The following AUTS2 variants were observed in gnomAD, a reference collection of about 807,000 sequenced individuals.
AUTS2 encodes the protein autism susceptibility gene 2 protein.
A neutral mutation model predicts 112.4 loss-of-function variants in AUTS2; 17 were observed. The ratio of observed to expected loss-of-function variants is 0.15; its 90% confidence interval spans 0.10 to 0.23. The LOEUF (loss-of-function observed/expected upper bound fraction) is 0.23. Among genes scored for constraint, AUTS2 ranks in the 10% least tolerant of loss-of-function variants. AUTS2 has a pLI of 1.00. For synonymous variants in AUTS2, 751 were observed against 702.7 expected, an observed-to-expected ratio of 1.07 and a Z score of -1.09; for missense variants, 1,510 against 1,701.6, an observed-to-expected ratio of 0.89 and a Z score of 1.98.
chr7:70,776,878 T>C, intron 13 of AUTS2: 1 of 574,748 alleles, frequency 1.7e-6, no homozygotes, highest in Non-Finnish European at 3.1e-6. Flanking sequence ...TCAATGTGGT[T>C]TTCTGAGTAG....
chr7:70,392,943 A>T (rs922059522), intron 4 of AUTS2, among the ~76,000 whole-genome samples: 2 of 152,234 alleles, frequency 1.3e-5, no homozygotes, highest in African/African-American at 4.8e-5. Context: ...GAGGTTTTCT[A>T]CTGGGGCCAT....
At position 70,792,098 on chromosome 7, in the gene AUTS2, G is replaced by A. The variant is rs931530851; in HGVS notation, c.*1102G>A. ...TCAAGTTTTCTCAGATGATGGATAT[G>A]TTTTCACTGTATTCAATAACTGACG... is the stretch of plus-strand genomic sequence containing the variant. On this transcript the variant is annotated 3_prime_UTR_variant, in exon 19 of 19. Coordinates refer to ENST00000342771, the MANE Select transcript of AUTS2 (RefSeq NM_015570.4). 1 of 152,584 alleles carries A rather than the reference G, an allele frequency of 6.6e-6. No individual in the cohort carries two copies. Among genetic ancestry groups the A allele is most frequent in the Non-Finnish European group, 1.5e-5 (1 of 68,038 alleles). 9.5% of individuals were successfully genotyped at this position (152,584 alleles called of 1,614,324 possible).
intron 5 of AUTS2, among the ~76,000 whole-genome samples, chr7:70,452,630 G>C (rs951069289): frequency 3.9e-5 from 6 of 152,084 alleles, no homozygotes; most frequent in African/African-American, 1.4e-4. Flanking sequence ...CCAGGATCAG[G>C]CCTTTTAGGA....
chr7:70,262,962 T>G (rs1330004915), intron 4 of AUTS2, among the ~76,000 whole-genome samples: 1 of 152,208 alleles, frequency 6.6e-6, no homozygotes, highest in African/African-American at 2.4e-5. Flanking sequence ...TTTGGAAACT[T>G]CCAAATAAAT....
intron 4 of AUTS2, among the ~76,000 whole-genome samples, chr7:70,332,124 C>CA (rs1446090877): frequency 3.9e-5 from 6 of 152,176 alleles, no homozygotes. Flanking sequence ...TCCCAGGATA[C>CA]AAAATCAATG....
intron 4 of AUTS2, among the ~76,000 whole-genome samples, chr7:70,227,146 C>T (rs1448322592): frequency 6.6e-6 from 1 of 151,962 alleles, no homozygotes; most frequent in Non-Finnish European, 1.5e-5. Flanking sequence ...ACATTTAATA[C>T]AGTCTTATAT....
At chr7:69,625,528 A>C (rs902263677) in intron 1 of AUTS2, among the ~76,000 whole-genome samples, 7 of 152,020 alleles carry the variant, frequency 4.6e-5, no homozygotes, top group African/African-American at 7.2e-5. Flanking sequence ...AGTGTTGGTT[A>C]AAAGAACACC....
intron 5 of AUTS2, among the ~76,000 whole-genome samples, chr7:70,577,810 T>G (rs915029877): frequency 2.2e-4 from 3 of 13,562 alleles, no homozygotes; most frequent in Non-Finnish European, 5.0e-4. Context: ...TTTATTGGGT[T>G]TTTTTTTAAT....
intron 1 of AUTS2, among the ~76,000 whole-genome samples, chr7:69,837,426 C>T (rs1020143014): frequency 6.6e-6 from 1 of 152,100 alleles, no homozygotes; most frequent in East Asian, 1.9e-4. Flanking sequence ...CGTCTCTCTC[C>T]TGGTTACCTT....
chr7:70,108,080 T>C (rs73444310), intron 2 of AUTS2, among the ~76,000 whole-genome samples: 1,558 of 152,110 alleles, frequency 0.01, 36 homozygotes, highest in African/African-American at 0.035. Context: ...GGAAGTAATA[T>C]GGCCTTTCAT....
In AUTS2 at chr7:69,981,433, T is replaced by C. The variant is rs568108901; in HGVS notation, c.522+81935T>C. On this transcript the variant is annotated intron_variant, in intron 2 of 18. Coordinates refer to ENST00000342771, the MANE Select transcript of AUTS2 (RefSeq NM_015570.4). The stretch of plus-strand genomic sequence containing the variant: ...TTATAAGTGAATATGTAACTGTATT[T>C]TTTTATTTTGTATTTAAATTTTTAT... 7.2e-5 allele frequency among the ~76,000 whole-genome samples: 11 copies of C among 152,334 alleles called. No homozygotes were observed. In the East Asian group the frequency reaches 1.9e-3, roughly 27 times the overall value.
chr7:70,371,499 G>C (rs954480508), intron 4 of AUTS2, among the ~76,000 whole-genome samples: 2 of 152,172 alleles, frequency 1.3e-5, no homozygotes, highest in African/African-American at 4.8e-5. Context: ...ACTAATGATA[G>C]AGGAAAACCT....
chr7:70,775,530 G>A (rs759917308), intron 13 of AUTS2, 144 bp downstream of exon 13: 28 of 690,708 alleles, frequency 4.1e-5, no homozygotes, highest in Non-Finnish European at 6.4e-5. Flanking sequence ...TTCAGATAGT[G>A]TGATTGAAAA....
intron 3 of AUTS2, among the ~76,000 whole-genome samples, chr7:70,127,924 C>T (rs1315171445): frequency 6.6e-6 from 1 of 151,976 alleles, no homozygotes; most frequent in Non-Finnish European, 1.5e-5. Context: ...TTTCTTCCTC[C>T]CTTCCTTCTC....
At chr7:70,372,490 A>T (rs1030609732) in intron 4 of AUTS2, among the ~76,000 whole-genome samples, 16 of 152,176 alleles carry the variant, frequency 1.1e-4, no homozygotes, top group Non-Finnish European at 2.2e-4. Flanking sequence ...GAAGCCTGGC[A>T]TATAGATCAT....
chr7:70,667,334 T>G (rs1807402257), intron 5 of AUTS2, among the ~76,000 whole-genome samples: 1 of 152,148 alleles, frequency 6.6e-6, no homozygotes, highest in Non-Finnish European at 1.5e-5. Context: ...ATGAAAAATA[T>G]ACCTGTGCTG....
intron 4 of AUTS2, among the ~76,000 whole-genome samples, chr7:70,330,059 C>T (rs982766873): frequency 6.6e-6 from 1 of 152,146 alleles, no homozygotes; most frequent in African/African-American, 2.4e-5. Flanking sequence ...TCCTGAAGGC[C>T]TCACCTTTAA....
chr7:70,113,935 T>C (rs899487000), intron 2 of AUTS2, among the ~76,000 whole-genome samples: 5 of 152,224 alleles, frequency 3.3e-5, no homozygotes, highest in African/African-American at 1.2e-4. Context: ...TGGATCGTTA[T>C]TTTCCTAATT....
At chr7:70,212,691 G>GA (rs34971376) in intron 4 of AUTS2, among the ~76,000 whole-genome samples, 33,702 of 147,082 alleles carry the variant, frequency 0.23, 3,694 homozygotes, top group Middle Eastern at 0.33. Flanking sequence ...CCCCTTTCAG[G>GA]AAAAAAAAAA....
Sources: allele counts gnomAD v4.1 joint callset (sites outside exome capture counted in the v4.1 genomes callset), GRCh38; gene constraint gnomAD v4.1.1; transcripts MANE v1.5; gene names NCBI Gene and HGNC (gene_info 2026-07-23, HGNC 2026-07-21).